Variants in CEP95 observed in about 807,000 individuals in gnomAD.
CEP95 encodes centrosomal protein 95.
A neutral mutation model predicts 111.2 loss-of-function variants in CEP95; 98 were observed. The observed-to-expected ratio is 0.88, with a 90% CI of 0.75 to 1.04. The LOEUF (loss-of-function observed/expected upper bound fraction) is 1.04, where lower values mean the gene tolerates loss of function less well. Among genes scored for constraint, CEP95 ranks in the 50% least tolerant of loss-of-function variants. The probability of loss-of-function intolerance (pLI) is 0.00; values close to 1 mark genes in which losing one functional copy is unlikely to be tolerated. For synonymous variants in CEP95, 323 were observed against 327.1 expected (o/e 0.99, Z 0.14); for missense variants, 1,027 against 977.2 (o/e 1.05, Z -0.68).
intron 2 of CEP95, among the ~76,000 whole-genome samples, chr17:64,509,138 T>A (rs2038753720): frequency 6.6e-6 from 1 of 152,160 alleles, no homozygotes; most frequent in Non-Finnish European, 1.5e-5. Flanking sequence ...ACTTAACCAG[T>A]GCTAGGGATA....
chr17:64,529,192 A>C (rs1009561891), intron 11 of CEP95, 96 bp from the exon 12 acceptor site: 37 of 1,099,464 alleles, frequency 3.4e-5, no homozygotes, highest in Non-Finnish European at 4.7e-5. Flanking sequence ...ACATTCACTC[A>C]TCAGTCTCTT....
intron 6 of CEP95, 96 bp from the exon 7 acceptor site, chr17:64,521,306 T>C: frequency 1.2e-6 from 1 of 802,204 alleles, no homozygotes; most frequent in Admixed American, 2.9e-5. Flanking sequence ...TTATTTAATA[T>C]TTGTTTCCTG....
intron 11 of CEP95, among the ~76,000 whole-genome samples, chr17:64,528,996 A>G (rs1239420859): frequency 2.0e-5 from 3 of 152,184 alleles, no homozygotes; most frequent in Admixed American, 1.3e-4. Context: ...CTCTCTTTGC[A>G]TCTCCCCCTA....
intron 1 of CEP95, chr17:64,507,509 A>C (rs1232792848): frequency 1.7e-6 from 2 of 1,152,600 alleles, no homozygotes; most frequent in Non-Finnish European, 2.1e-6. Context: ...AAGGAACAGC[A>C]TTCTTAAGAT....
In CEP95 at chr17:64,531,705, T is replaced by A. The variant is rs375466851; in HGVS notation, c.1540-185T>A. On this transcript the variant is annotated intron_variant, in intron 13 of 19. Transcript: ENST00000556440. ...GGATGCCAGAGGCCAAAAGGTGCAT[T>A]TAACTTAGAGTAAATGAATATTAAC... Among the ~76,000 whole-genome samples, 121 of 152,298 alleles carry A rather than the reference T, an allele frequency of 7.9e-4. 3 individuals carry two copies. The South Asian group carries it at 0.024, about 31-fold the overall frequency.
chr17:64,519,508 G>C, intron 6 of CEP95, 72 bp downstream of exon 6: 1 of 1,147,454 alleles, frequency 8.7e-7, no homozygotes, highest in Non-Finnish European at 1.3e-6. Flanking sequence ...GTATGTAGGA[G>C]TGTTTAAAAT....
rs1207206431 is a variant in CEP95, at chr17:64,523,007, C to G, written c.909+112C>G. On this transcript the variant is annotated intron_variant, in intron 8 of 19. Coordinates refer to ENST00000556440, the MANE Select transcript of CEP95 (RefSeq NM_138363.3). ...GTGTGTGTATGTGTATTGGTGAAGT[C>G]TTTATTCTTTGTCAAGGAAGCCCCT... 5.0e-6 allele frequency: 4 copies of G among 803,878 alleles called. No homozygotes were observed. In the East Asian group the frequency reaches 1.1e-4, roughly 22 times the overall value. 49.8% of individuals were successfully genotyped at this position (803,878 alleles called of 1,614,324 possible).
intron 1 of CEP95, 195 bp from the exon 2 acceptor site, chr17:64,508,397 C>A (rs948893268): frequency 7.1e-6 from 7 of 983,680 alleles, no homozygotes; most frequent in Non-Finnish European, 8.4e-6. Context: ...TGGAAATCAT[C>A]CCAAGAAATT....
chr17:64,530,311 G>A (rs554396301), intron 12 of CEP95, among the ~76,000 whole-genome samples: 2 of 152,216 alleles, frequency 1.3e-5, no homozygotes, highest in African/African-American at 2.4e-5. Flanking sequence ...ACTTGAACTC[G>A]GGAAGTGGAG....
chr17:64,528,244 T>G (rs1030041995), intron 11 of CEP95, among the ~76,000 whole-genome samples: 3 of 152,280 alleles, frequency 2.0e-5, no homozygotes. Flanking sequence ...TCTACTTTGG[T>G]CATCCATTGT....
At chr17:64,537,164 C>T in intron 19 of CEP95, 52 bp downstream of exon 19, 1 of 1,589,130 alleles carries the variant, frequency 6.3e-7, no homozygotes, top group Non-Finnish European at 8.6e-7. Context: ...ATGTTTCTTT[C>T]AGCAAGGGAC....
intron 13 of CEP95, 31 bp from the exon 14 acceptor site, chr17:64,531,859 A>G (rs1391389242): frequency 1.4e-6 from 2 of 1,465,336 alleles, no homozygotes; most frequent in African/African-American, 1.5e-5. Context: ...TAGACCTTTT[A>G]TTTTTATTCT....
chr17:64,507,956 G>A, intron 1 of CEP95: 1 of 984,854 alleles, frequency 1.0e-6, no homozygotes, highest in Non-Finnish European at 1.2e-6. Context: ...TGGTACGCAG[G>A]AAACGTCAAC....
At chr17:64,522,284 C>T (rs1967413708) in intron 7 of CEP95, among the ~76,000 whole-genome samples, 2 of 152,108 alleles carry the variant, frequency 1.3e-5, no homozygotes, top group African/African-American at 4.8e-5. Context: ...TTCTTCAAGC[C>T]ATTTAAGTTG....
intron 1 of CEP95, chr17:64,507,776 C>A: frequency 6.1e-6 from 6 of 985,494 alleles, no homozygotes; most frequent in Non-Finnish European, 7.2e-6. Context: ...GTTTCCAGAA[C>A]GTTACGTGTC....
chr17:64,509,391 T>C (rs1281742986), intron 2 of CEP95, among the ~76,000 whole-genome samples: 1 of 152,150 alleles, frequency 6.6e-6, no homozygotes, highest in Non-Finnish European at 1.5e-5. Flanking sequence ...AAAGGACATA[T>C]AAGGGCCAGG....
intron 8 of CEP95, among the ~76,000 whole-genome samples, chr17:64,524,572 G>C (rs1429945127): frequency 2.0e-5 from 3 of 152,092 alleles, no homozygotes; most frequent in Non-Finnish European, 4.4e-5. Context: ...CTGCTTCCCA[G>C]ATTGCTGAGA....
chr17:64,534,834 T>C, intron 17 of CEP95, 97 bp downstream of exon 17: 1 of 1,435,500 alleles, frequency 7.0e-7, no homozygotes, highest in Non-Finnish European at 9.6e-7. Flanking sequence ...CAAATTTGAA[T>C]CCAAAATCTA....
At chr17:64,514,765 T>A in intron 4 of CEP95, 1 of 259,714 alleles carries the variant, frequency 3.9e-6, no homozygotes, top group Non-Finnish European at 7.2e-6. Flanking sequence ...TGCACTTACA[T>A]TTGTGACAGC....
Sources: gnomAD v4.1 joint callset for allele counts (sites outside exome capture counted in the v4.1 genomes callset) on GRCh38, gnomAD v4.1.1 for gene constraint, MANE v1.5 for transcripts, NCBI Gene and HGNC (gene_info 2026-07-23, HGNC 2026-07-21) for gene names.